The following PAPPA2 variants were observed in gnomAD, a reference collection of about 807,000 sequenced individuals.
The protein encoded by PAPPA2 is pappalysin 2.
A neutral mutation model predicts 176.4 loss-of-function variants in PAPPA2; 86 were observed. The observed-to-expected ratio is 0.49, with a 90% CI of 0.41 to 0.58. The LOEUF (loss-of-function observed/expected upper bound fraction) is 0.58, where lower values mean the gene tolerates loss of function less well. Among genes scored for constraint, PAPPA2 ranks in the 20% least tolerant of loss-of-function variants. The pLI, the probability that PAPPA2 is intolerant of heterozygous loss-of-function variation, is 0.00. For missense variants in PAPPA2, 2,073 were observed against 2,256.9 expected (o/e 0.92, Z 1.65); for synonymous variants, 809 against 852.2 (o/e 0.95, Z 0.88).
intron 3 of PAPPA2, among the ~76,000 whole-genome samples, chr1:176,640,405 A>C (rs1338488128): frequency 4.5e-5 from 6 of 134,772 alleles, no homozygotes; most frequent in Admixed American, 8.9e-5. Flanking sequence ...ATGTGTTCTC[A>C]TTGTTCAATT....
At chr1:176,690,539 G>T in intron 5 of PAPPA2, 109 bp downstream of exon 5, 1 of 1,515,450 alleles carries the variant, frequency 6.6e-7, no homozygotes, top group African/African-American at 1.4e-5. Flanking sequence ...GTGGTCATTT[G>T]TGTCGGAGAG....
intron 15 of PAPPA2, among the ~76,000 whole-genome samples, chr1:176,766,137 C>A (rs563301427): frequency 6.6e-6 from 1 of 152,256 alleles, no homozygotes; most frequent in South Asian, 2.1e-4. Context: ...GATGAGAATG[C>A]CAAAGTTCAG....
chr1:176,670,617 C>A (rs1658939214), intron 3 of PAPPA2, among the ~76,000 whole-genome samples: 1 of 152,126 alleles, frequency 6.6e-6, no homozygotes, highest in African/African-American at 2.4e-5. Context: ...AGGCCTTCTT[C>A]ACTATGGCCT....
At chr1:176,716,813 G>A (rs1465414920) in intron 12 of PAPPA2, among the ~76,000 whole-genome samples, 3 of 150,998 alleles carry the variant, frequency 2.0e-5, no homozygotes, top group South Asian at 2.1e-4. Context: ...GGGTTTCACC[G>A]TGTTAGCCAG....
chr1:176,490,941 G>A (rs1647259643), intron 1 of PAPPA2, among the ~76,000 whole-genome samples: 1 of 152,232 alleles, frequency 6.6e-6, no homozygotes, highest in African/African-American at 2.4e-5. Flanking sequence ...ACCACAAGAT[G>A]TCTGGTGACT....
chr1:176,551,638 GC>G (rs1336833448), intron 1 of PAPPA2, among the ~76,000 whole-genome samples: 1 of 152,134 alleles, frequency 6.6e-6, no homozygotes, highest in Non-Finnish European at 1.5e-5. Context: ...AAACTGACCA[GC>G]CCCACTATGG....
chr1:176,485,007 G>A (rs1333183769), intron 1 of PAPPA2, among the ~76,000 whole-genome samples: 1 of 152,132 alleles, frequency 6.6e-6, no homozygotes, highest in Non-Finnish European at 1.5e-5. Context: ...GGTTTGCTCT[G>A]TGGCTCCACT....
intron 2 of PAPPA2, among the ~76,000 whole-genome samples, chr1:176,582,628 G>GTTT (rs540260197): frequency 2.1e-5 from 3 of 144,632 alleles, no homozygotes; most frequent in Non-Finnish European, 4.5e-5. Flanking sequence ...CATAGTGTAT[G>GTTT]TTTTTTTTTA....
intron 3 of PAPPA2, among the ~76,000 whole-genome samples, chr1:176,638,434 G>C (rs1193052745): frequency 6.6e-6 from 1 of 152,042 alleles, no homozygotes; most frequent in African/African-American, 2.4e-5. Flanking sequence ...TCCGGTAGAA[G>C]GCTCTCTGGA....
rs758790810 is a variant in PAPPA2, at chr1:176,556,572, G to A, written c.250G>A (p.Val84Met). The change falls in exon 2 of 23, where the codon GTG becomes ATG. Residue 84 changes from valine (V) to methionine (M), a missense_variant. Val to Met is a conservative substitution (Grantham distance 21). This residue lies in a region of PAPPA2 where 1,196 missense variants were observed against 1,330.4 expected (regional missense o/e 0.90). Transcript: ENST00000367662. ...TGGGAACTACCTAAGGCCCTACCCCGTGGGGGAGCAAGAAATCCATCATAC... is the reference window on the plus strand; with the variant it reads ...TGGGAACTACCTAAGGCCCTACCCCATGGGGGAGCAAGAAATCCATCATAC... ...RAGNYLRPYPVGEQEIHHTGR... is the reference protein window; with the variant it reads ...RAGNYLRPYPMGEQEIHHTGR... 1.9e-6 allele frequency: 3 copies of A among 1,614,200 alleles called. No homozygotes were observed. Among genetic ancestry groups the A allele is most frequent in the Non-Finnish European group, 2.5e-6 (3 of 1,180,030 alleles).
intron 2 of PAPPA2, among the ~76,000 whole-genome samples, chr1:176,584,397 TTTTG>T (rs1159564001): frequency 1.4e-5 from 2 of 148,120 alleles, no homozygotes; most frequent in Non-Finnish European, 3.0e-5. Flanking sequence ...TATAATGCAT[TTTTG>T]TTTTTTTTTT....
At position 176,700,221 on chromosome 1, in the gene PAPPA2, G is replaced by T. The variant is rs146450373; in HGVS notation, c.3236+632G>T. Among the ~76,000 whole-genome samples the T allele has an allele frequency of 2.1e-3, 319 of 152,308 alleles. 2 individuals carry two copies. The highest frequency in any genetic ancestry group is 0.02 in the Middle Eastern group (6 of 294). On this transcript the variant is annotated intron_variant, in intron 8 of 22. Coordinates refer to ENST00000367662, the MANE Select transcript of PAPPA2 (RefSeq NM_020318.3). ...TGGCACTGCATGTTCAGTGCTGGGG[G>T]CACAGACTAAGATGAGGTCCTTACT... is the stretch of plus-strand genomic sequence containing the variant.
chr1:176,793,454 T>C, intron 19 of PAPPA2, 106 bp from the exon 20 acceptor site: 3 of 898,366 alleles, frequency 3.3e-6, no homozygotes, highest in Middle Eastern at 2.4e-4. Context: ...TGGTGACCCA[T>C]GATGAAAGCA....
intron 1 of PAPPA2, among the ~76,000 whole-genome samples, chr1:176,470,820 G>A (rs971186575): frequency 6.6e-6 from 1 of 152,126 alleles, no homozygotes; most frequent in Non-Finnish European, 1.5e-5. Flanking sequence ...TCTTCTAATC[G>A]TGGCTGGGGC....
At chr1:176,608,588 T>A (rs545571218) in intron 3 of PAPPA2, among the ~76,000 whole-genome samples, 67 of 152,326 alleles carry the variant, frequency 4.4e-4, no homozygotes, top group South Asian at 2.5e-3. Flanking sequence ...AGTGGGCTTT[T>A]TAATTTTTAA....
intron 1 of PAPPA2, among the ~76,000 whole-genome samples, chr1:176,487,304 A>G (rs1558397266): frequency 6.6e-6 from 1 of 152,158 alleles, no homozygotes. Context: ...ACCTCCAGCA[A>G]CATTCAGAAA....
intron 14 of PAPPA2, among the ~76,000 whole-genome samples, chr1:176,743,748 A>G (rs1357258921): frequency 6.6e-6 from 1 of 152,248 alleles, no homozygotes; most frequent in Non-Finnish European, 1.5e-5. Flanking sequence ...AGGTCAAGAT[A>G]GAAAAGTTTA....
rs148899628 is a variant in PAPPA2, at chr1:176,489,012, C to T, written c.-917+25594C>T. Reference sequence around the variant, plus strand: ...TCATCTGTATAATAAGGTTGGGGTACATGCTGTCTAATGCAGTGATTTTCA... The same window carrying T: ...TCATCTGTATAATAAGGTTGGGGTATATGCTGTCTAATGCAGTGATTTTCA... On this transcript the variant is annotated intron_variant, in intron 1 of 22. Transcript: ENST00000367662. Among the ~76,000 whole-genome samples, 14 of 152,278 alleles carry T rather than the reference C, an allele frequency of 9.2e-5. No homozygotes were observed. In the East Asian group the frequency reaches 2.1e-3, roughly 23 times the overall value.
At chr1:176,649,040 T>G (rs1657563419) in intron 3 of PAPPA2, among the ~76,000 whole-genome samples, 2 of 151,688 alleles carry the variant, frequency 1.3e-5, no homozygotes, top group African/African-American at 4.8e-5. Flanking sequence ...TTGGTAATTT[T>G]GGACAGTGAA....
Sources: gnomAD v4.1 joint callset for allele counts (sites outside exome capture counted in the v4.1 genomes callset) on GRCh38, gnomAD v4.1.1 for gene constraint, gnomAD v4.1.1 regional missense constraint, MANE v1.5 for transcripts, NCBI Gene and HGNC (gene_info 2026-07-23, HGNC 2026-07-21) for gene names.